The following TPST1 variants were observed in gnomAD, a reference collection of about 807,000 sequenced individuals.
TPST1 encodes protein-tyrosine sulfotransferase 1.
TPST1 carries 20 observed loss-of-function variants against 34.8 expected under a neutral mutation model. The observed-to-expected ratio is 0.57, with a 90% confidence interval of 0.40 to 0.84. The LOEUF is 0.84. Among genes scored for constraint, TPST1 ranks in the 40% least tolerant of loss-of-function variants. The probability of loss-of-function intolerance (pLI) is 0.00; values close to 1 mark genes in which losing one functional copy is unlikely to be tolerated. For missense variants in TPST1, 353 were observed against 455.5 expected, an observed-to-expected ratio of 0.78 and a Z score of 2.05; for synonymous variants, 152 against 159.4, an observed-to-expected ratio of 0.95 and a Z score of 0.35.
At chr7:66,352,390 C>T (rs1584262373) in intron 3 of TPST1, 115 bp from the exon 4 acceptor site, 1 of 1,519,154 alleles carries the variant, frequency 6.6e-7, no homozygotes, top group Non-Finnish European at 8.8e-7. Context: ...CTTTCTCATT[C>T]TAAACTCACC....
intron 4 of TPST1, among the ~76,000 whole-genome samples, chr7:66,354,617 AAGGG>A (rs1792546754): frequency 6.6e-6 from 1 of 152,106 alleles, no homozygotes; most frequent in Non-Finnish European, 1.5e-5. Flanking sequence ...ACTAAAACTA[AAGGG>A]ACACTCCTGC....
chr7:66,296,412 C>A (rs1791199672), intron 3 of TPST1, among the ~76,000 whole-genome samples: 1 of 151,982 alleles, frequency 6.6e-6, no homozygotes, highest in Admixed American at 6.6e-5. Context: ...GACCTTTTTG[C>A]AAACTAAATC....
chr7:66,351,305 A>G (rs1416500900), intron 3 of TPST1, among the ~76,000 whole-genome samples: 1 of 152,118 alleles, frequency 6.6e-6, no homozygotes, highest in Non-Finnish European at 1.5e-5. Context: ...ATAGTGTATC[A>G]TTATATGCGT....
At chr7:66,262,670 G>T (rs993757202) in intron 2 of TPST1, among the ~76,000 whole-genome samples, 2 of 152,244 alleles carry the variant, frequency 1.3e-5, no homozygotes, top group African/African-American at 4.8e-5. Flanking sequence ...CTGTCATGAA[G>T]ACACCAGAAG....
At chr7:66,301,877 T>C (rs1244772487) in intron 3 of TPST1, among the ~76,000 whole-genome samples, 5 of 152,186 alleles carry the variant, frequency 3.3e-5, no homozygotes, top group African/African-American at 1.2e-4. Context: ...TAAAGAGACA[T>C]GAAGGGAGTG....
chr7:66,319,312 CT>C (rs1198121701), intron 3 of TPST1, among the ~76,000 whole-genome samples: 11 of 152,286 alleles, frequency 7.2e-5, no homozygotes, highest in African/African-American at 2.6e-4. Flanking sequence ...GTCTGATTCA[CT>C]CATTCTTTCT....
intron 2 of TPST1, among the ~76,000 whole-genome samples, chr7:66,261,057 G>T (rs763084900): frequency 1.1e-4 from 16 of 152,064 alleles, no homozygotes; most frequent in African/African-American, 3.9e-4. Context: ...TCTCAACTTA[G>T]AGTCTGCTGG....
intron 2 of TPST1, among the ~76,000 whole-genome samples, chr7:66,253,626 C>G (rs1451396438): frequency 6.6e-6 from 1 of 151,804 alleles, no homozygotes; most frequent in East Asian, 2.0e-4. Context: ...CCACCCTGGC[C>G]TCCCAAAGTG....
chr7:66,309,058 C>T (rs1791479694), intron 3 of TPST1, among the ~76,000 whole-genome samples: 2 of 152,102 alleles, frequency 1.3e-5, no homozygotes, highest in South Asian at 2.1e-4. Flanking sequence ...ACACCATGCC[C>T]AGCTAATTTT....
At chr7:66,208,291 G>A (rs1789173237) in intron 1 of TPST1, among the ~76,000 whole-genome samples, 1 of 152,148 alleles carries the variant, frequency 6.6e-6, no homozygotes, top group Admixed American at 6.6e-5. Flanking sequence ...CTGTGACAGA[G>A]ATGACTACAG....
chr7:66,198,959 GGTAA>G, the TPST1 span, among the ~76,000 whole-genome samples: 3 of 152,204 alleles, frequency 2.0e-5, no homozygotes, highest in African/African-American at 7.2e-5. Context: ...GCTGTATGCA[GGTAA>G]GTGTTTCATC....
intron 1 of TPST1, among the ~76,000 whole-genome samples, chr7:66,216,703 C>T (rs111371101): frequency 2.0e-5 from 3 of 152,154 alleles, no homozygotes; most frequent in South Asian, 2.1e-4. Flanking sequence ...CTCCTGACCT[C>T]GTGATCTGCG....
chr7:66,298,728 A>G (rs1360380251), intron 3 of TPST1, among the ~76,000 whole-genome samples: 2 of 151,598 alleles, frequency 1.3e-5, no homozygotes, highest in Non-Finnish European at 2.9e-5. Context: ...ATTCCATTTT[A>G]TATATTATCT....
chr7:66,321,108 A>G (rs1791747733), intron 3 of TPST1, among the ~76,000 whole-genome samples: 1 of 152,210 alleles, frequency 6.6e-6, no homozygotes, highest in Admixed American at 6.5e-5. Context: ...ATTATAGTTG[A>G]TTACAGCAAA....
chr7:66,326,598 TC>T lies in TPST1; in HGVS notation c.1045-25901del, dbSNP rs1791871560. 2.0e-5 allele frequency among the ~76,000 whole-genome samples: 3 copies of T among 152,174 alleles called. No homozygotes were observed. In the South Asian group the frequency reaches 6.2e-4, roughly 32 times the overall value. On this transcript the variant is annotated intron_variant, in intron 3 of 5. Transcript: ENST00000304842. Reference sequence around the variant, plus strand: ...TCCTAATCATTCTGCACACTAAACTTCCCCCCACCAGGAAATCAATGCCTTA... The same window carrying T: ...TCCTAATCATTCTGCACACTAAACTTCCCCCACCAGGAAATCAATGCCTTA...
intron 2 of TPST1, among the ~76,000 whole-genome samples, chr7:66,244,796 C>T (rs952085745): frequency 3.2e-4 from 48 of 152,142 alleles, no homozygotes; most frequent in Non-Finnish European, 4.4e-4. Flanking sequence ...GTAACAGTGA[C>T]GCTTAGACAA....
intron 3 of TPST1, among the ~76,000 whole-genome samples, chr7:66,331,384 T>C (rs1163063840): frequency 6.6e-6 from 1 of 152,164 alleles, no homozygotes; most frequent in Admixed American, 6.5e-5. Context: ...AAGTACAGAA[T>C]TGGCTTAATA....
At chr7:66,324,385 C>CT (rs1791818695) in intron 3 of TPST1, among the ~76,000 whole-genome samples, 1 of 152,110 alleles carries the variant, frequency 6.6e-6, no homozygotes, top group Admixed American at 6.5e-5. Flanking sequence ...TTTGATTGAG[C>CT]TGTTTAGCTG....
At chr7:66,316,348 G>A (rs757408905) in intron 3 of TPST1, among the ~76,000 whole-genome samples, 1 of 152,054 alleles carries the variant, frequency 6.6e-6, no homozygotes, top group African/African-American at 2.4e-5. Flanking sequence ...GATCTAAGAC[G>A]GGTCAGTTTT....
Sources: allele counts gnomAD v4.1 joint callset (sites outside exome capture counted in the v4.1 genomes callset), GRCh38; gene constraint gnomAD v4.1.1; transcripts MANE v1.5; gene names NCBI Gene and HGNC (gene_info 2026-07-23, HGNC 2026-07-21).